ATP8B4: variants seen among roughly 807,000 people sequenced by gnomAD.
The protein encoded by ATP8B4 is probable phospholipid-transporting ATPase IM.
A neutral mutation model predicts 145.6 loss-of-function variants in ATP8B4; 133 were observed. The observed-to-expected ratio is 0.91, with a 90% confidence interval of 0.79 to 1.05. The LOEUF is 1.05. Ranked by LOEUF, ATP8B4 falls within the 50% of genes least tolerant of loss-of-function variation. The pLI is 0.00. For synonymous variants in ATP8B4, 507 were observed against 492.9 expected, an observed-to-expected ratio of 1.03 and a Z score of -0.38; for missense variants, 1,458 against 1,425.2, an observed-to-expected ratio of 1.02 and a Z score of -0.37.
At chr15:50,103,078 T>C (rs1454539128) in intron 2 of ATP8B4, among the ~76,000 whole-genome samples, 2 of 152,118 alleles carry the variant, frequency 1.3e-5, no homozygotes, top group African/African-American at 2.4e-5. Flanking sequence ...AAAATCAGCA[T>C]AGAAAGAGCA....
chr15:50,013,584 T>G (rs575951558), intron 6 of ATP8B4, among the ~76,000 whole-genome samples: 2 of 152,198 alleles, frequency 1.3e-5, no homozygotes, highest in East Asian at 3.9e-4. Context: ...TATGGGATAA[T>G]AAGATAGCCT....
chr15:49,987,780 T>C (rs1249026470), intron 9 of ATP8B4, among the ~76,000 whole-genome samples: 1 of 151,260 alleles, frequency 6.6e-6, no homozygotes, highest in South Asian at 2.1e-4. Context: ...AAACAAATAA[T>C]AACAGAAACC....
intron 2 of ATP8B4, among the ~76,000 whole-genome samples, chr15:50,097,853 T>C (rs892474739): frequency 4.6e-5 from 7 of 152,202 alleles, no homozygotes; most frequent in African/African-American, 1.7e-4. Flanking sequence ...AGTACTAACA[T>C]TTACATACTG....
intron 1 of ATP8B4, among the ~76,000 whole-genome samples, chr15:50,173,502 G>C (rs1219928494): frequency 6.6e-6 from 1 of 152,086 alleles, no homozygotes; most frequent in Non-Finnish European, 1.5e-5. Flanking sequence ...GCAGCATACT[G>C]GTTAAGAGTC....
Position 50,004,230 on chromosome 15 carries a change from G to T in ATP8B4, c.436-2007C>A, listed in dbSNP as rs1479598225. Among the ~76,000 whole-genome samples, 3 of 152,222 alleles carry T rather than the reference G, an allele frequency of 2.0e-5. No individual in the cohort carries two copies. In the East Asian group the frequency reaches 5.8e-4, roughly 29 times the overall value. ...TTAATTCATTGTGGTTGAGGAGGGAGTGCGAAGGGAAGGCCCAGCGGGGCC... is the reference window on the plus strand; with the variant it reads ...TTAATTCATTGTGGTTGAGGAGGGATTGCGAAGGGAAGGCCCAGCGGGGCC... On this transcript the variant is annotated intron_variant, in intron 7 of 27. Coordinates refer to ENST00000284509, the MANE Select transcript of ATP8B4 (RefSeq NM_024837.4).
At chr15:49,952,781 A>G (rs891144707) in intron 14 of ATP8B4, among the ~76,000 whole-genome samples, 3 of 151,992 alleles carry the variant, frequency 2.0e-5, no homozygotes, top group African/African-American at 7.3e-5. Flanking sequence ...GAGGTGCTCT[A>G]GCCTTTTGGG....
Position 49,918,883 on chromosome 15 carries a change from G to A in ATP8B4, c.1991C>T (p.Ser664Leu), listed in dbSNP as rs1419911517. 6.2e-7 allele frequency: 1 copy of A among 1,613,580 alleles called. No individual in the cohort carries two copies. Among genetic ancestry groups the A allele is most frequent in the Non-Finnish European group, 8.5e-7 (1 of 1,179,652 alleles). ...EGVIETVTSL[S>L]LANIKIWVLT... is the part of the protein sequence containing the mutation. ...GACCCAGATCTTAATATTGGCTAGTGATAAACTTGTAACTGTTTCAATAAC... is the reference window on the plus strand; with the variant it reads ...GACCCAGATCTTAATATTGGCTAGTAATAAACTTGTAACTGTTTCAATAAC... The change falls in exon 19 of 28, where the codon TCA becomes TTA. Residue 664 changes from serine (S) to leucine (L), a missense_variant. Ser to Leu is a moderately radical substitution (Grantham distance 145, BLOSUM62 -2). Transcript: ENST00000284509.
intron 8 of ATP8B4, among the ~76,000 whole-genome samples, chr15:49,997,745 C>T (rs2047547076): frequency 6.6e-6 from 1 of 152,074 alleles, no homozygotes; most frequent in African/African-American, 2.4e-5. Context: ...AAATGAATTT[C>T]ACAATGATGT....
intron 6 of ATP8B4, among the ~76,000 whole-genome samples, chr15:50,016,068 T>C (rs1490598574): frequency 6.6e-6 from 1 of 152,206 alleles, no homozygotes; most frequent in African/African-American, 2.4e-5. Context: ...ATAAATCCTA[T>C]TGTGCATTAT....
At chr15:50,040,412 C>A (rs1444291505) in intron 5 of ATP8B4, among the ~76,000 whole-genome samples, 1 of 152,152 alleles carries the variant, frequency 6.6e-6, no homozygotes, top group African/African-American at 2.4e-5. Context: ...CTTGCCCACA[C>A]CCTTTGTGAA....
At chr15:50,161,381 T>C (rs1158681499) in intron 1 of ATP8B4, among the ~76,000 whole-genome samples, 2 of 152,074 alleles carry the variant, frequency 1.3e-5, no homozygotes, top group Non-Finnish European at 2.9e-5. Context: ...TTATTATTAA[T>C]AGGTAAGGAT....
chr15:50,084,170 C>T (rs950658728), intron 2 of ATP8B4, among the ~76,000 whole-genome samples: 6 of 152,194 alleles, frequency 3.9e-5, no homozygotes, highest in African/African-American at 9.6e-5. Flanking sequence ...TTGGTGGAGG[C>T]GGTCTGCCAT....
chr15:49,892,612 C>T (rs1030054540), intron 23 of ATP8B4, among the ~76,000 whole-genome samples: 3 of 152,166 alleles, frequency 2.0e-5, no homozygotes, highest in Admixed American at 6.5e-5. Context: ...GCTATAGAAG[C>T]ATCCATTCCA....
At chr15:49,967,848 G>A (rs1350426640) in intron 13 of ATP8B4, among the ~76,000 whole-genome samples, 8 of 152,084 alleles carry the variant, frequency 5.3e-5, no homozygotes, top group African/African-American at 1.9e-4. Context: ...TGAAATGAAG[G>A]AAAAAATGTT....
At chr15:50,136,568 G>A (rs2044124303) in intron 1 of ATP8B4, among the ~76,000 whole-genome samples, 1 of 152,210 alleles carries the variant, frequency 6.6e-6, no homozygotes, top group South Asian at 2.1e-4. Context: ...AATGAGCAGT[G>A]CTTAATTGCT....
At chr15:50,024,289 GA>G (rs68148740) in intron 6 of ATP8B4, among the ~76,000 whole-genome samples, 1 of 151,566 alleles carries the variant, frequency 6.6e-6, no homozygotes, top group Non-Finnish European at 1.5e-5. Flanking sequence ...AGCCTAGAAA[GA>G]AAAAAACCTC....
chr15:50,020,542 G>A (rs2049467005), intron 6 of ATP8B4, among the ~76,000 whole-genome samples: 1 of 152,124 alleles, frequency 6.6e-6, no homozygotes, highest in South Asian at 2.1e-4. Context: ...AAAGTGTGAT[G>A]ACTTTTAAAT....
intron 6 of ATP8B4, among the ~76,000 whole-genome samples, chr15:50,037,790 C>T (rs2050950263): frequency 6.6e-6 from 1 of 152,152 alleles, no homozygotes; most frequent in African/African-American, 2.4e-5. Context: ...CATTTTTCTT[C>T]ACTGTCCTTT....
At chr15:50,132,860 A>G (rs753468190) in intron 1 of ATP8B4, among the ~76,000 whole-genome samples, 2 of 152,190 alleles carry the variant, frequency 1.3e-5, no homozygotes, top group Non-Finnish European at 2.9e-5. Flanking sequence ...TAACACAGGA[A>G]CAGAAAAGCA....
Sources: gnomAD v4.1 joint callset for allele counts (sites outside exome capture counted in the v4.1 genomes callset) on GRCh38, gnomAD v4.1.1 for gene constraint, MANE v1.5 for transcripts, NCBI Gene and HGNC (gene_info 2026-07-23, HGNC 2026-07-21) for gene names.